PIK3CB: variants seen among roughly 807,000 people sequenced by gnomAD.
PIK3CB encodes the protein phosphatidylinositol 4,5-bisphosphate 3-kinase catalytic subunit beta isoform.
A neutral mutation model predicts 136.8 loss-of-function variants in PIK3CB; 39 were observed. The ratio of observed to expected loss-of-function variants is 0.29; its 90% CI spans 0.22 to 0.37. The LOEUF (loss-of-function observed/expected upper bound fraction) is 0.37. PIK3CB is among the 10% of genes least tolerant of loss of function. The pLI is 1.00. For synonymous variants in PIK3CB, 428 were observed against 436.6 expected (o/e 0.98, Z 0.25); for missense variants, 868 against 1,275.4 (o/e 0.68, Z 4.87).
chr3:138,832,765 G>A (rs1934091102), intron 1 of PIK3CB, among the ~76,000 whole-genome samples: 1 of 146,154 alleles, frequency 6.8e-6, no homozygotes, highest in South Asian at 2.2e-4. Context: ...GGAGGCGGAG[G>A]TTGCGGTGAG....
At chr3:138,750,315 C>T (rs549328613) in intron 4 of PIK3CB, among the ~76,000 whole-genome samples, 1 of 151,602 alleles carries the variant, frequency 6.6e-6, no homozygotes, top group East Asian at 1.9e-4. Context: ...TTGAAACATA[C>T]AATACATTAT....
chr3:138,802,867 C>A (rs1251948251), intron 1 of PIK3CB, among the ~76,000 whole-genome samples: 2 of 152,130 alleles, frequency 1.3e-5, no homozygotes, highest in Non-Finnish European at 2.9e-5. Flanking sequence ...CAAAAATGTT[C>A]CATGAATAAA....
intron 2 of PIK3CB, among the ~76,000 whole-genome samples, chr3:138,775,936 AC>A (rs2108774915): frequency 6.6e-6 from 1 of 152,278 alleles, no homozygotes; most frequent in South Asian, 2.1e-4. Context: ...GGTGGCTCAC[AC>A]CTGTAATCCC....
At chr3:138,706,584 A>G (rs1313431368) in intron 11 of PIK3CB, among the ~76,000 whole-genome samples, 8 of 152,256 alleles carry the variant, frequency 5.3e-5, no homozygotes, top group Admixed American at 2.0e-4. Context: ...TAAGGGCGTG[A>G]GATATTAAAA....
At chr3:138,701,072 A>G (rs1024577779) in intron 12 of PIK3CB, among the ~76,000 whole-genome samples, 1 of 152,168 alleles carries the variant, frequency 6.6e-6, no homozygotes, top group Non-Finnish European at 1.5e-5. Context: ...TAAGAAAACT[A>G]CACCTTTACT....
Position 138,683,803 on chromosome 3 carries a change from G to GA in PIK3CB, c.2316-17dup, listed in dbSNP as rs2043828774. The GA allele has an allele frequency of 7.6e-7, 1 of 1,307,362 alleles. No homozygotes were observed. The highest frequency in any genetic ancestry group is 1.7e-5 in the Admixed American group (1 of 59,480). The allele number at this position is 1,307,362 out of a possible 1,614,324, so 81.0% of individuals were successfully genotyped here. A position where few individuals can be genotyped will look rare whatever the true frequency, so the allele number is the denominator to read the frequency against. On this transcript the variant is annotated splice_polypyrimidine_tract_variant and intron_variant, in intron 17 of 23. Coordinates refer to ENST00000674063, the MANE Select transcript of PIK3CB (RefSeq NM_006219.3). ...CTTTTCAACACTGAAATCAAGTGGGGAAAATTAGTCAACTTCAGTGTAATG... is the reference window on the plus strand; with the variant it reads ...CTTTTCAACACTGAAATCAAGTGGGGAAAAATTAGTCAACTTCAGTGTAATG...
chr3:138,806,189 G>C (rs994434764), intron 1 of PIK3CB, among the ~76,000 whole-genome samples: 2 of 151,954 alleles, frequency 1.3e-5, no homozygotes, highest in Admixed American at 1.3e-4. Flanking sequence ...GATTTTCTCA[G>C]ACTCTAAGAG....
chr3:138,763,568 A>C (rs1385230656), intron 2 of PIK3CB, among the ~76,000 whole-genome samples: 1 of 152,192 alleles, frequency 6.6e-6, no homozygotes, highest in African/African-American at 2.4e-5. Context: ...CTCAGAACTG[A>C]AACCAAATCA....
At chr3:138,777,124 G>A (rs1002790287) in intron 2 of PIK3CB, among the ~76,000 whole-genome samples, 2 of 152,106 alleles carry the variant, frequency 1.3e-5, no homozygotes, top group African/African-American at 4.8e-5. Context: ...TCTCCAAGCT[G>A]AGCAGGAAGG....
chr3:138,792,378 T>C (rs1384390543), intron 2 of PIK3CB, among the ~76,000 whole-genome samples: 1 of 152,130 alleles, frequency 6.6e-6, no homozygotes, highest in African/African-American at 2.4e-5. Flanking sequence ...ACCATTGAGA[T>C]AATTTTTGTT....
At chr3:138,681,849 T>C (rs1487970965) in intron 19 of PIK3CB, 118 bp downstream of exon 19, 1 of 613,762 alleles carries the variant, frequency 1.6e-6, no homozygotes, top group Admixed American at 3.3e-5. Context: ...GCTATATAAA[T>C]ATTATTATGA....
intron 19 of PIK3CB, among the ~76,000 whole-genome samples, chr3:138,665,515 C>T (rs1184096096): frequency 2.0e-5 from 3 of 152,192 alleles, no homozygotes; most frequent in South Asian, 2.1e-4. Context: ...TTCACTCTTA[C>T]TCTACATTTT....
At chr3:138,715,069 T>C (rs980444733) in intron 8 of PIK3CB, among the ~76,000 whole-genome samples, 4 of 152,358 alleles carry the variant, frequency 2.6e-5, no homozygotes, top group South Asian at 2.1e-4. Context: ...TACTATCATA[T>C]GCTTACTCAC....
chr3:138,772,153 A>G (rs549509484), intron 2 of PIK3CB, among the ~76,000 whole-genome samples: 2 of 152,230 alleles, frequency 1.3e-5, no homozygotes, highest in African/African-American at 4.8e-5. Flanking sequence ...GTTTAGAAAT[A>G]ACATGAAAAA....
chr3:138,798,142 C>T (rs967579158), intron 1 of PIK3CB, among the ~76,000 whole-genome samples: 3 of 151,914 alleles, frequency 2.0e-5, no homozygotes, highest in Non-Finnish European at 4.4e-5. Flanking sequence ...AAACAAGAAT[C>T]TGCAGTTATT....
intron 6 of PIK3CB, among the ~76,000 whole-genome samples, chr3:138,735,080 C>T (rs2045076061): frequency 6.6e-6 from 1 of 151,448 alleles, no homozygotes; most frequent in Non-Finnish European, 1.5e-5. Flanking sequence ...TCTGGAGTAC[C>T]TGGGACTACA....
chr3:138,668,866 C>T (rs1260784341), intron 19 of PIK3CB, among the ~76,000 whole-genome samples: 1 of 152,146 alleles, frequency 6.6e-6, no homozygotes, highest in African/African-American at 2.4e-5. Context: ...TACCCATCAA[C>T]CCACACCCTG....
intron 19 of PIK3CB, among the ~76,000 whole-genome samples, chr3:138,673,979 C>A (rs541329248): frequency 1.3e-5 from 2 of 152,258 alleles, no homozygotes; most frequent in Admixed American, 6.5e-5. Flanking sequence ...CCTCACCTAG[C>A]ATGAACTGCC....
intron 8 of PIK3CB, among the ~76,000 whole-genome samples, chr3:138,720,531 T>G (rs1013757810): frequency 6.6e-6 from 1 of 152,192 alleles, no homozygotes; most frequent in Non-Finnish European, 1.5e-5. Flanking sequence ...CCAAATGTTT[T>G]CAGGCAGACC....
Sources: gnomAD v4.1 joint callset for allele counts (sites outside exome capture counted in the v4.1 genomes callset) on GRCh38, gnomAD v4.1.1 for gene constraint, MANE v1.5 for transcripts, NCBI Gene and HGNC (gene_info 2026-07-23, HGNC 2026-07-21) for gene names.